HNRNPUL2: variants seen among roughly 807,000 people sequenced by gnomAD.
The protein encoded by HNRNPUL2 is heterogeneous nuclear ribonucleoprotein U-like protein 2.
A neutral mutation model predicts 102.2 loss-of-function variants in HNRNPUL2; 27 were observed. The observed-to-expected ratio is 0.26, with a 90% CI of 0.19 to 0.36. The LOEUF is 0.36. Ranked by LOEUF, HNRNPUL2 falls within the 10% of genes least tolerant of loss-of-function variation. The pLI, the probability that HNRNPUL2 is intolerant of heterozygous loss-of-function variation, is 1.00. For synonymous variants in HNRNPUL2, 458 were observed against 387.2 expected, an observed-to-expected ratio of 1.18 and a Z score of -2.15; for missense variants, 936 against 981.1, an observed-to-expected ratio of 0.95 and a Z score of 0.61.
chr11:62,716,871 G>C, intron 11 of HNRNPUL2, 118 bp downstream of exon 11: 1 of 905,300 alleles, frequency 1.1e-6, no homozygotes, highest in Non-Finnish European at 1.7e-6. Flanking sequence ...CCATGAAGAA[G>C]GCACTTCCGT....
Position 62,727,215 on chromosome 11 carries a change from T to C in HNRNPUL2, c.-59A>G. The C allele has an allele frequency of 1.6e-6, 2 of 1,287,600 alleles. No individual in the cohort carries two copies. The highest frequency in any genetic ancestry group is 1.8e-5 in the South Asian group (1 of 54,658). 79.8% of individuals were successfully genotyped at this position (1,287,600 alleles called of 1,614,324 possible). ...CCTCCCCTGCGAACCGTCGACCGAG[T>C]CCGACCGCGCAGGCGCCGCCGCCGC... On this transcript the variant is annotated 5_prime_UTR_variant, in exon 1 of 14. Transcript: ENST00000301785.
At chr11:62,716,591 C>A (rs939701691) in intron 11 of HNRNPUL2, among the ~76,000 whole-genome samples, 1 of 152,106 alleles carries the variant, frequency 6.6e-6, no homozygotes, top group Non-Finnish European at 1.5e-5. Context: ...TCTTGTTAAT[C>A]GAAATGACAC....
intron 3 of HNRNPUL2, 45 bp from the exon 4 acceptor site, chr11:62,723,771 G>C (rs541116664): frequency 6.2e-7 from 1 of 1,612,644 alleles, no homozygotes; most frequent in African/African-American, 1.3e-5. Flanking sequence ...TCCAATACTT[G>C]TAAGCCGCCA....
Position 62,727,070 on chromosome 11 carries a change from C to T in HNRNPUL2, c.87G>A (p.Leu29=). Residue 29 remains leucine, a synonymous_variant, in exon 1 of 14, where the codon CTG becomes CTA. Transcript: ENST00000301785. ...GLDSRGLKVD[L]AQRLQEALDA... ...CCAGCGCCTCCTGCAGCCGCTGCGC[C>T]AGATCCACCTTGAGGCCGCGCGAGT... is the stretch of plus-strand genomic sequence containing the variant. 11 of 1,434,352 alleles carry T rather than the reference C, an allele frequency of 7.7e-6. No homozygotes were observed. Among genetic ancestry groups the T allele is most frequent in the Non-Finnish European group, 8.2e-6 (9 of 1,093,920 alleles). 88.9% of individuals were successfully genotyped at this position (1,434,352 alleles called of 1,614,324 possible).
rs548114978 is a variant in HNRNPUL2, at chr11:62,722,098, C to T, written c.1359+19G>A. ...CTGCAAAGCATACAACCTCAGTGTT[C>T]GTATACTGTTTGGCATACCTCACAT... On this transcript the variant is annotated intron_variant, in intron 7 of 13. Coordinates refer to ENST00000301785, the MANE Select transcript of HNRNPUL2 (RefSeq NM_001079559.3). The T allele has an allele frequency of 1.2e-4, 197 of 1,611,032 alleles. 3 individuals carry two copies. In the South Asian group the frequency reaches 1.7e-3, roughly 14 times the overall value.
intron 6 of HNRNPUL2, 48 bp from the exon 7 acceptor site, chr11:62,722,428 G>T (rs891880599): frequency 1.9e-6 from 3 of 1,590,212 alleles, no homozygotes. Context: ...GAGGCTTTGG[G>T]TTGATTAAAC....
intron 12 of HNRNPUL2, 65 bp downstream of exon 12, chr11:62,715,799 T>C (rs2083655762): frequency 2.7e-6 from 4 of 1,469,580 alleles, no homozygotes; most frequent in Non-Finnish European, 3.8e-6. Context: ...ACCACTCTGC[T>C]CCCCCAAGCC....
In HNRNPUL2 at chr11:62,727,060, G is replaced by GC; in HGVS notation, c.96dup (p.Leu33AlafsTer59). 1 of 1,424,714 alleles carries GC rather than the reference G, an allele frequency of 7.0e-7. No homozygotes were observed. Among genetic ancestry groups the GC allele is most frequent in the Non-Finnish European group, 9.2e-7 (1 of 1,088,334 alleles). The allele number at this position is 1,424,714 out of a possible 1,614,324, so 88.3% of individuals were successfully genotyped here. ...ATCTCGGCGTCCAGCGCCTCCTGCAGCCGCTGCGCCAGATCCACCTTGAGG... is the reference window on the plus strand; with the variant it reads ...ATCTCGGCGTCCAGCGCCTCCTGCAGCCCGCTGCGCCAGATCCACCTTGAGG... On this transcript the variant is annotated frameshift_variant, in exon 1 of 14. Coordinates refer to ENST00000301785, the MANE Select transcript of HNRNPUL2 (RefSeq NM_001079559.3). LOFTEE classifies it high-confidence loss of function.
rs533366736 is a variant in HNRNPUL2, at chr11:62,715,936, C to T, written c.1983G>A (p.Val661=). ...RQNRSRGQGY[V]GGQRRGYDNR... The stretch of plus-strand genomic sequence containing the variant: ...TGTCGTAGCCTCGGCGCTGCCCGCC[C>T]ACTGGAAGAGAAATGGAGAGCGCGC... Residue 661 remains valine, a splice_region_variant and synonymous_variant, in exon 12 of 14, where the codon GTG becomes GTA. Transcript: ENST00000301785. The T allele has an allele frequency of 6.3e-7, 1 of 1,599,032 alleles. No individual in the cohort carries two copies. Among genetic ancestry groups the T allele is most frequent in the Non-Finnish European group, 8.5e-7 (1 of 1,171,630 alleles).
intron 4 of HNRNPUL2, 101 bp downstream of exon 4, chr11:62,723,486 C>G: frequency 7.8e-7 from 1 of 1,274,386 alleles, no homozygotes; most frequent in Non-Finnish European, 1.1e-6. Flanking sequence ...AGCGAAACTC[C>G]ATCTCAAAAA....
rs1174808990 is a variant in HNRNPUL2 at position 62,721,830 on chromosome 11, T to C, written c.1472A>G (p.Asn491Ser). The change falls in exon 8 of 14, where the codon AAT becomes AGT. Residue 491 changes from asparagine (N) to serine (S), a missense_variant. Around this residue, in one of 2 missense-constraint regions of HNRNPUL2, gnomAD observed 609 missense variants for 713.0 expected, o/e 0.85. Coordinates refer to ENST00000301785, the MANE Select transcript of HNRNPUL2 (RefSeq NM_001079559.3). ...YNVLGAETVL[N>S]QMRMKGLEEP... ...CCAACAGCAACTTACCCTCATTTGA[T>C]TGAGCACAGTCTCAGCTCCCAGGAC... 10 of 1,614,084 alleles carry C rather than the reference T, an allele frequency of 6.2e-6. No homozygotes were observed. Among genetic ancestry groups the C allele is most frequent in the East Asian group, 2.2e-5 (1 of 44,906 alleles).
Position 62,715,510 on chromosome 11 carries a change from T to C in HNRNPUL2, c.2153A>G (p.Tyr718Cys). Residue 718 changes from tyrosine to cysteine, a missense_variant, in exon 13 of 14, where the codon TAC becomes TGC. Tyr to Cys is a radical substitution (Grantham distance 194). Coordinates refer to ENST00000301785, the MANE Select transcript of HNRNPUL2 (RefSeq NM_001079559.3). ...CAAGAAGATACTCACATCCCGATTG[T>C]ATTGTCTGTAATAGTCTCTGTATCT... The part of the protein sequence containing the change: ...YNRYRDYYRQ[Y>C]NRDWQSYYYH... 1 of 1,610,404 alleles carries C rather than the reference T, an allele frequency of 6.2e-7. No individual in the cohort carries two copies. Among genetic ancestry groups the C allele is most frequent in the Non-Finnish European group, 8.5e-7 (1 of 1,176,810 alleles).
chr11:62,727,129 C>G lies in HNRNPUL2; in HGVS notation c.28G>C (p.Glu10Gln), dbSNP rs956597613. 1 of 1,450,056 alleles carries G rather than the reference C, an allele frequency of 6.9e-7. No individual in the cohort carries two copies. The highest frequency in any genetic ancestry group is 9.1e-7 in the Non-Finnish European group (1 of 1,104,360). 89.8% of individuals were successfully genotyped at this position (1,450,056 alleles called of 1,614,324 possible). The change falls in exon 1 of 14, where the codon GAG becomes CAG. Residue 10 changes from glutamate (E) to glutamine (Q), a missense_variant. Physicochemically the swap from Glu to Gln is conservative, Grantham distance 29. This residue lies in a region of HNRNPUL2 where 327 missense variants were observed against 268.1 expected (regional missense o/e 1.22). Transcript: ENST00000301785. ...CGCCGCTGCAGCTCCGACCGCAGCTCGGTCACTTTCAGCCGCTTCACCTCC... is the reference window on the plus strand; with the variant it reads ...CGCCGCTGCAGCTCCGACCGCAGCTGGGTCACTTTCAGCCGCTTCACCTCC... MEVKRLKVT[E>Q]LRSELQRRGL...
chr11:62,727,161 G>A lies in HNRNPUL2; in HGVS notation c.-5C>T, dbSNP rs1565165707. On this transcript the variant is annotated 5_prime_UTR_variant, in exon 1 of 14. Coordinates refer to ENST00000301785, the MANE Select transcript of HNRNPUL2 (RefSeq NM_001079559.3). ...TTTCAGCCGCTTCACCTCCATCGCC[G>A]CCGCCGCCTCCTCCGCCTCCCGCCG... is the stretch of plus-strand genomic sequence containing the variant. 5 of 1,427,774 alleles carry A rather than the reference G, an allele frequency of 3.5e-6. No individual in the cohort carries two copies. The highest frequency in any genetic ancestry group is 2.7e-5 in the Admixed American group (1 of 37,120). The allele number at this position is 1,427,774 out of a possible 1,614,324, so 88.4% of individuals were successfully genotyped here. A position where few individuals can be genotyped will look rare whatever the true frequency, so the allele number is the denominator to read the frequency against.
In HNRNPUL2 at chr11:62,714,640, A is replaced by G. The variant is rs994642284; in HGVS notation, c.*659T>C. The G allele has an allele frequency of 6.6e-6, 1 of 152,350 alleles. No homozygotes were observed. Among genetic ancestry groups the G allele is most frequent in the Non-Finnish European group, 1.5e-5 (1 of 68,162 alleles). The allele number at this position is 152,350 out of a possible 1,614,324, so 9.4% of individuals were successfully genotyped here. On this transcript the variant is annotated 3_prime_UTR_variant, in exon 14 of 14. Coordinates refer to ENST00000301785, the MANE Select transcript of HNRNPUL2 (RefSeq NM_001079559.3). ...CACTGGCAGTCTCCATGCCTCAGCC[A>G]AACAGCACAAAGGCACAGGAAAATG...
At chr11:62,720,578 C>T (rs561731974) in intron 9 of HNRNPUL2, among the ~76,000 whole-genome samples, 93 of 145,088 alleles carry the variant, frequency 6.4e-4, no homozygotes, top group Non-Finnish European at 9.8e-4. Context: ...AAAAAAAGGC[C>T]GGGCGTGACA....
At position 62,717,061 on chromosome 11, in the gene HNRNPUL2, C is replaced by T. The variant is rs749881089; in HGVS notation, c.1909G>A (p.Glu637Lys). Residue 637 changes from glutamate to lysine, a missense_variant, in exon 11 of 14, where the codon GAG becomes AAG. This residue lies in a region of HNRNPUL2 where 609 missense variants were observed against 713.0 expected (regional missense o/e 0.85). Coordinates refer to ENST00000301785, the MANE Select transcript of HNRNPUL2 (RefSeq NM_001079559.3). ...EEARKLLPPS[E>K]KRTNRRNNRN... The stretch of plus-strand genomic sequence containing the variant: ...TTGTTTCGGCGATTTGTCCGCTTCT[C>T]GGAGGGGGGCAGAAGCTTCCTTGCC... 1.2e-6 allele frequency: 2 copies of T among 1,614,154 alleles called. No individual in the cohort carries two copies. The highest frequency in any genetic ancestry group is 1.7e-5 in the Admixed American group (1 of 60,014).
chr11:62,724,800 G>A (rs1363672924), intron 1 of HNRNPUL2, among the ~76,000 whole-genome samples: 9 of 152,202 alleles, frequency 5.9e-5, no homozygotes, highest in Admixed American at 5.2e-4. Context: ...ACTCTTGTCA[G>A]ATCTAGATTT....
At chr11:62,725,004 A>G (rs1014366100) in intron 1 of HNRNPUL2, among the ~76,000 whole-genome samples, 3 of 152,230 alleles carry the variant, frequency 2.0e-5, no homozygotes, top group South Asian at 2.1e-4. Context: ...AAGTTGCAAG[A>G]GCAAACCACT....
Sources: gnomAD v4.1 joint callset for allele counts (sites outside exome capture counted in the v4.1 genomes callset) on GRCh38, gnomAD v4.1.1 for gene constraint, gnomAD v4.1.1 regional missense constraint, MANE v1.5 for transcripts, NCBI Gene and HGNC (gene_info 2026-07-23, HGNC 2026-07-21) for gene names.